SIDT1: variants seen among roughly 807,000 people sequenced by gnomAD.
SIDT1 encodes the protein SID1 transmembrane family, member 1.
A neutral mutation model predicts 107.5 loss-of-function variants in SIDT1; 101 were observed. The ratio of observed to expected loss-of-function variants is 0.94; its 90% CI spans 0.80 to 1.11. The LOEUF (loss-of-function observed/expected upper bound fraction) is 1.11, where lower values mean the gene tolerates loss of function less well. SIDT1 is among the 50% of genes least tolerant of loss of function. SIDT1 has a pLI of 0.00. For missense variants in SIDT1, 1,076 were observed against 1,058.2 expected, an observed-to-expected ratio of 1.02 and a Z score of -0.23; for synonymous variants, 395 against 398.2, an observed-to-expected ratio of 0.99 and a Z score of 0.10.
At chr3:113,586,101 T>C (rs1318081558) in intron 9 of SIDT1, among the ~76,000 whole-genome samples, 1 of 152,202 alleles carries the variant, frequency 6.6e-6, no homozygotes, top group Admixed American at 6.5e-5. Flanking sequence ...GTGATACAAC[T>C]ACGTATTTTA....
Position 113,623,666 on chromosome 3 carries a change from T to G in SIDT1, c.2240T>G (p.Ile747Ser). The change falls in exon 23 of 25, where the codon ATC (isoleucine) becomes AGC (serine). Residue 747 changes from isoleucine to serine, a missense_variant. Coordinates refer to ENST00000264852, the MANE Select transcript of SIDT1 (RefSeq NM_017699.3). ...EKVLPVPLFC[I>S]VATAVMWAAA... The stretch of plus-strand genomic sequence containing the variant: ...GTCCTCCCAGTCCCGCTCTTCTGCA[T>G]CGTGGCCACCGCTGTGATGTGGGCT... 1 of 1,614,168 alleles carries G rather than the reference T, an allele frequency of 6.2e-7. No homozygotes were observed. Among genetic ancestry groups the G allele is most frequent in the Middle Eastern group, 1.6e-4 (1 of 6,062 alleles).
At chr3:113,631,644 G>A (rs1435527871), downstream of SIDT1, among the ~76,000 whole-genome samples, 1 of 152,104 alleles carries the variant, frequency 6.6e-6, no homozygotes, top group Non-Finnish European at 1.5e-5. Flanking sequence ...CCATGAATTC[G>A]AGGAATCTGG....
chr3:113,620,991 G>A (rs759955587), intron 21 of SIDT1, among the ~76,000 whole-genome samples: 8 of 152,170 alleles, frequency 5.3e-5, no homozygotes, highest in Non-Finnish European at 8.8e-5. Context: ...AGGGATGGAG[G>A]TGCAATGACA....
intron 24 of SIDT1, among the ~76,000 whole-genome samples, chr3:113,627,340 G>C (rs773768133): frequency 6.6e-6 from 1 of 152,054 alleles, no homozygotes; most frequent in African/African-American, 2.4e-5. Context: ...TTTGTTTCAC[G>C]TCTAAAGCCC....
intron 19 of SIDT1, among the ~76,000 whole-genome samples, chr3:113,614,496 G>A (rs560116840): frequency 2.0e-5 from 3 of 152,296 alleles, no homozygotes; most frequent in East Asian, 3.9e-4. Context: ...CAATGATTGT[G>A]TCTAAATTTA....
chr3:113,561,757 C>T (rs949097457), intron 1 of SIDT1, among the ~76,000 whole-genome samples: 1 of 152,066 alleles, frequency 6.6e-6, no homozygotes, highest in Non-Finnish European at 1.5e-5. Flanking sequence ...TGGGGGTTGA[C>T]TTGAGGGATT....
intron 1 of SIDT1, among the ~76,000 whole-genome samples, chr3:113,560,156 C>T (rs190703237): frequency 3.1e-4 from 47 of 152,172 alleles, no homozygotes; most frequent in African/African-American, 1.1e-3. Context: ...TAAGCGCCTT[C>T]CCAGATGTAA....
intron 8 of SIDT1, 117 bp downstream of exon 8, chr3:113,584,886 T>C: frequency 1.3e-6 from 1 of 781,864 alleles, no homozygotes; most frequent in South Asian, 1.8e-5. Context: ...TAAAGTATAT[T>C]TACCTTAGAA....
chr3:113,559,539 T>C (rs1190528193), intron 1 of SIDT1, among the ~76,000 whole-genome samples: 1 of 152,096 alleles, frequency 6.6e-6, no homozygotes, highest in African/African-American at 2.4e-5. Context: ...CATCCTGGGC[T>C]CAAACAATGC....
chr3:113,626,725 T>G (rs1946877472), intron 24 of SIDT1, among the ~76,000 whole-genome samples: 1 of 152,216 alleles, frequency 6.6e-6, no homozygotes, highest in African/African-American at 2.4e-5. Flanking sequence ...TCTATTTTTT[T>G]GCCCCAACCC....
At chr3:113,581,524 G>A (rs1943341844) in intron 6 of SIDT1, 80 bp downstream of exon 6, 3 of 1,128,120 alleles carry the variant, frequency 2.7e-6, no homozygotes, top group South Asian at 1.2e-5. Flanking sequence ...GCATCCAAAA[G>A]GGATGGCCAT....
intron 17 of SIDT1, among the ~76,000 whole-genome samples, chr3:113,610,267 G>A (rs186133832): frequency 6.6e-6 from 1 of 152,278 alleles, no homozygotes; most frequent in Non-Finnish European, 1.5e-5. Context: ...CCTAGAAGTA[G>A]AATTTTTCAG....
intron 20 of SIDT1, among the ~76,000 whole-genome samples, chr3:113,617,033 G>T (rs1946158923): frequency 6.6e-6 from 1 of 152,106 alleles, no homozygotes; most frequent in South Asian, 2.1e-4. Context: ...AATGAACAGT[G>T]ATCATAGCTA....
At chr3:113,537,972 A>G (rs1295577080) in intron 1 of SIDT1, among the ~76,000 whole-genome samples, 1 of 152,068 alleles carries the variant, frequency 6.6e-6, no homozygotes, top group Non-Finnish European at 1.5e-5. Context: ...TAGGAGATAC[A>G]GGGTTACTCC....
At chr3:113,602,782 C>T in intron 11 of SIDT1, 1 of 406,526 alleles carries the variant, frequency 2.5e-6, no homozygotes, top group South Asian at 5.7e-5. Flanking sequence ...AATATGTGTT[C>T]AGTCCTGAAG....
intron 10 of SIDT1, among the ~76,000 whole-genome samples, chr3:113,598,336 T>C (rs896819583): frequency 1.3e-5 from 2 of 152,256 alleles, no homozygotes; most frequent in African/African-American, 4.8e-5. Context: ...TCACTTGCTT[T>C]GATTTTAGTT....
chr3:113,569,529 C>T (rs1156901400), intron 3 of SIDT1, among the ~76,000 whole-genome samples: 2 of 152,144 alleles, frequency 1.3e-5, no homozygotes, highest in South Asian at 2.1e-4. Flanking sequence ...TAATAGGACT[C>T]AAATATTTAT....
intron 15 of SIDT1, among the ~76,000 whole-genome samples, chr3:113,607,617 C>A (rs1410659078): frequency 6.6e-6 from 1 of 152,232 alleles, no homozygotes; most frequent in Non-Finnish European, 1.5e-5. Context: ...GGGAGTCTAG[C>A]CTCTTGCTCC....
At chr3:113,577,105 C>A in intron 4 of SIDT1, 138 bp downstream of exon 4, 1 of 783,928 alleles carries the variant, frequency 1.3e-6, no homozygotes, top group South Asian at 1.5e-5. Context: ...TATTTGTATT[C>A]CACTTTATTC....
Sources: gnomAD v4.1 joint callset for allele counts (sites outside exome capture counted in the v4.1 genomes callset) on GRCh38, gnomAD v4.1.1 for gene constraint, MANE v1.5 for transcripts, NCBI Gene and HGNC (gene_info 2026-07-23, HGNC 2026-07-21) for gene names.